DNAJC5B: variants seen among roughly 807,000 people sequenced by gnomAD.
The protein encoded by DNAJC5B is DnaJ heat shock protein family (Hsp40) member C5 beta.
DNAJC5B carries 23 observed loss-of-function variants against 24.7 expected under a neutral mutation model. The ratio of observed to expected loss-of-function variants is 0.93; its 90% CI spans 0.67 to 1.32. The LOEUF is 1.32. Among genes scored for constraint, DNAJC5B ranks in the 40% most tolerant of loss-of-function variants. The pLI is 0.00. For synonymous variants in DNAJC5B, 101 were observed against 90.1 expected (o/e 1.12, Z -0.68); for missense variants, 238 against 240.8 (o/e 0.99, Z 0.08).
At chr8:66,020,929 C>T (rs749509845), upstream of DNAJC5B, among the ~76,000 whole-genome samples, 10 of 152,160 alleles carry the variant, frequency 6.6e-5, no homozygotes, top group Non-Finnish European at 8.8e-5. Flanking sequence ...TGAGCCATCT[C>T]GCCCTGCCAA....
chr8:66,039,739 T>A (rs905492470), intron 1 of DNAJC5B, among the ~76,000 whole-genome samples: 4 of 152,290 alleles, frequency 2.6e-5, no homozygotes, highest in African/African-American at 7.2e-5. Flanking sequence ...TGCCTCTTAG[T>A]CTCCTAAAAT....
intron 3 of DNAJC5B, among the ~76,000 whole-genome samples, chr8:66,070,727 G>T (rs533564772): frequency 6.6e-6 from 1 of 152,092 alleles, no homozygotes. Flanking sequence ...AACCAAAAAA[G>T]AGCCCGCATA....
chr8:66,032,306 G>T (rs572279199), intron 1 of DNAJC5B, among the ~76,000 whole-genome samples: 1 of 152,384 alleles, frequency 6.6e-6, no homozygotes, highest in East Asian at 1.9e-4. Flanking sequence ...CAGCAGCAGG[G>T]CAGGCACACC....
chr8:66,048,787 G>A (rs78928226), intron 2 of DNAJC5B, among the ~76,000 whole-genome samples: 5,557 of 152,232 alleles, frequency 0.037, 121 homozygotes, highest in South Asian at 0.066. Context: ...GAAGCAAGTG[G>A]TAGTGTTGCT....
chr8:66,072,567 T>G (rs920984602), intron 3 of DNAJC5B, among the ~76,000 whole-genome samples: 1 of 152,162 alleles, frequency 6.6e-6, no homozygotes, highest in African/African-American at 2.4e-5. Flanking sequence ...AGCAATGCAA[T>G]TATGTTAAAG....
intron 3 of DNAJC5B, among the ~76,000 whole-genome samples, chr8:66,063,884 T>C (rs1474379880): frequency 6.6e-6 from 1 of 152,224 alleles, no homozygotes; most frequent in Middle Eastern, 3.2e-3. Flanking sequence ...TTTTCAACCT[T>C]ATTAAATTTT....
At chr8:66,034,173 G>GTT (rs1335238526) in intron 1 of DNAJC5B, among the ~76,000 whole-genome samples, 1 of 90,324 alleles carries the variant, frequency 1.1e-5, no homozygotes, top group Non-Finnish European at 2.1e-5. Flanking sequence ...TATTGTTGTT[G>GTT]TTTTGTGTGT....
At chr8:66,083,203 G>C (rs924745208) in intron 5 of DNAJC5B, among the ~76,000 whole-genome samples, 30 of 151,622 alleles carry the variant, frequency 2.0e-4, no homozygotes, top group Admixed American at 1.8e-3. Flanking sequence ...AGTAGAGATT[G>C]GGTTTCACCG....
Position 66,021,847 on chromosome 8 carries a change from GC to G in DNAJC5B, c.-142+144del, listed in dbSNP as rs1210875000. The G allele has an allele frequency of 5.9e-5, 9 of 152,354 alleles. No individual in the cohort carries two copies. In the East Asian group the frequency reaches 1.2e-3, roughly 20 times the overall value. The allele number at this position is 152,354 out of a possible 1,614,324, so 9.4% of individuals were successfully genotyped here. ...CAACAGCCAGGCTGCTTGCCATGAAGCCGGACGGTGAGGACATTTCCGAGGC... is the reference window on the plus strand; with the variant it reads ...CAACAGCCAGGCTGCTTGCCATGAAGCGGACGGTGAGGACATTTCCGAGGC... On this transcript the variant is annotated intron_variant, in intron 1 of 5. Transcript: ENST00000276570.
At chr8:66,039,411 C>T (rs1179601769) in intron 1 of DNAJC5B, among the ~76,000 whole-genome samples, 2 of 145,858 alleles carry the variant, frequency 1.4e-5, no homozygotes, top group Non-Finnish European at 3.0e-5. Context: ...TGCAATGGTG[C>T]GACCTTGCCT....
chr8:66,076,666 G>T lies in DNAJC5B; in HGVS notation c.126G>T (p.Leu42Phe). The change falls in exon 4 of 6, where the codon TTG becomes TTT. Residue 42 changes from leucine to phenylalanine, a missense_variant. By Grantham distance (22) the Leu-to-Phe change is conservative. Coordinates refer to ENST00000276570, the MANE Select transcript of DNAJC5B (RefSeq NM_033105.6). ...NEEIKKTYRKLALKHHPDKNP... is the reference protein window; with the variant it reads ...NEEIKKTYRKFALKHHPDKNP... The stretch of plus-strand genomic sequence containing the variant: ...TTTTCTTTTATTTTAAAAGAAAATT[G>T]GCCCTGAAACACCATCCAGACAAGA... 6.2e-7 allele frequency: 1 copy of T among 1,613,688 alleles called. No homozygotes were observed. The highest frequency in any genetic ancestry group is 8.5e-7 in the Non-Finnish European group (1 of 1,179,900).
At chr8:66,051,996 ACT>A (rs1167140917) in intron 3 of DNAJC5B, among the ~76,000 whole-genome samples, 2 of 151,252 alleles carry the variant, frequency 1.3e-5, no homozygotes, top group Non-Finnish European at 1.5e-5. Flanking sequence ...ACAGAGTCTC[ACT>A]CTGTCGTCCA....
intron 1 of DNAJC5B, among the ~76,000 whole-genome samples, chr8:66,034,005 C>T (rs534824515): frequency 9.2e-5 from 14 of 152,128 alleles, no homozygotes; most frequent in South Asian, 6.2e-4. Context: ...ACCCTTGCTC[C>T]GTTAATAACT....
intron 3 of DNAJC5B, among the ~76,000 whole-genome samples, chr8:66,052,752 T>C (rs1335423647): frequency 6.6e-6 from 1 of 152,228 alleles, no homozygotes; most frequent in Non-Finnish European, 1.5e-5. Flanking sequence ...ATGTAGCCTA[T>C]CTGATACTTG....
At chr8:66,075,488 T>C (rs1807442185) in intron 3 of DNAJC5B, among the ~76,000 whole-genome samples, 1 of 152,174 alleles carries the variant, frequency 6.6e-6, no homozygotes, top group Admixed American at 6.5e-5. Flanking sequence ...AAAGGCATTT[T>C]ATGCTATTAG....
At chr8:66,076,636 C>T (rs766684916) in intron 3 of DNAJC5B, 24 bp from the exon 4 acceptor site, 49 of 1,612,284 alleles carry the variant, frequency 3.0e-5, no homozygotes, top group Non-Finnish European at 4.2e-5. Flanking sequence ...ACACACTCTC[C>T]TTGTTTTTCT....
At chr8:66,045,681 C>T (rs1806707932) in intron 2 of DNAJC5B, among the ~76,000 whole-genome samples, 1 of 152,080 alleles carries the variant, frequency 6.6e-6, no homozygotes, top group Non-Finnish European at 1.5e-5. Flanking sequence ...GGGAGCAGCC[C>T]CTGCCTGAGC....
chr8:66,050,067 T>C (rs1455554280), intron 2 of DNAJC5B, among the ~76,000 whole-genome samples: 3 of 152,246 alleles, frequency 2.0e-5, no homozygotes, highest in African/African-American at 7.2e-5. Context: ...ATCTGTTGGG[T>C]TTGAATATCT....
chr8:66,056,277 C>A (rs1207195984), intron 3 of DNAJC5B, among the ~76,000 whole-genome samples: 1 of 152,136 alleles, frequency 6.6e-6, no homozygotes, highest in East Asian at 1.9e-4. Context: ...CAACATTAGA[C>A]AAGCCCCACA....
Sources: gnomAD v4.1 joint callset for allele counts (sites outside exome capture counted in the v4.1 genomes callset) on GRCh38, gnomAD v4.1.1 for gene constraint, MANE v1.5 for transcripts, NCBI Gene and HGNC (gene_info 2026-07-23, HGNC 2026-07-21) for gene names.